CDH12: variants seen among roughly 807,000 people sequenced by gnomAD.
CDH12 encodes the protein cadherin-12.
CDH12 carries 41 observed loss-of-function variants against 74.1 expected under a neutral mutation model. The ratio of observed to expected loss-of-function variants is 0.55; its 90% CI spans 0.43 to 0.72. The LOEUF is 0.72. Ranked by LOEUF, CDH12 falls within the 30% of genes least tolerant of loss-of-function variation. The pLI, the probability that CDH12 is intolerant of heterozygous loss-of-function variation, is 0.00. For missense variants in CDH12, 945 were observed against 977.2 expected (o/e 0.97, Z 0.44); for synonymous variants, 399 against 355.0 (o/e 1.12, Z -1.39).
At chr5:22,685,087 C>A (rs1235543296) in intron 1 of CDH12, among the ~76,000 whole-genome samples, 4 of 152,166 alleles carry the variant, frequency 2.6e-5, no homozygotes, top group African/African-American at 4.8e-5. Flanking sequence ...GAGTTCATAG[C>A]CCATCAGTTT....
intron 6 of CDH12, among the ~76,000 whole-genome samples, chr5:21,930,805 T>C (rs1754801210): frequency 6.6e-6 from 1 of 152,212 alleles, no homozygotes; most frequent in South Asian, 2.1e-4. Flanking sequence ...CTTCGTATAA[T>C]AAGAACATAT....
chr5:22,312,662 C>A (rs556118162), intron 3 of CDH12, among the ~76,000 whole-genome samples: 1 of 152,228 alleles, frequency 6.6e-6, no homozygotes, highest in East Asian at 1.9e-4. Flanking sequence ...CTATTTGTTT[C>A]TTTGTAAATC....
intron 3 of CDH12, among the ~76,000 whole-genome samples, chr5:22,399,287 G>A (rs1742608395): frequency 6.6e-6 from 1 of 151,834 alleles, no homozygotes; most frequent in South Asian, 2.1e-4. Context: ...TTACACCTAA[G>A]AGATGTATAT....
intron 4 of CDH12, among the ~76,000 whole-genome samples, chr5:22,093,462 C>T (rs754040775): frequency 6.6e-6 from 1 of 152,054 alleles, no homozygotes; most frequent in Non-Finnish European, 1.5e-5. Flanking sequence ...GTCCTCATGC[C>T]TGCTACAATA....
chr5:22,803,864 T>C (rs1357412575), intron 1 of CDH12, among the ~76,000 whole-genome samples: 2 of 152,164 alleles, frequency 1.3e-5, no homozygotes, highest in South Asian at 2.1e-4. Context: ...GAAGTCTATA[T>C]AGTTTCTGTG....
At chr5:22,638,528 C>T (rs1281758419) in intron 1 of CDH12, among the ~76,000 whole-genome samples, 8 of 152,116 alleles carry the variant, frequency 5.3e-5, no homozygotes, top group Non-Finnish European at 8.8e-5. Flanking sequence ...ATGGTGCCCA[C>T]CCAGATTGAG....
intron 6 of CDH12, among the ~76,000 whole-genome samples, chr5:21,897,766 A>T (rs1753190521): frequency 6.6e-6 from 1 of 152,204 alleles, no homozygotes; most frequent in African/African-American, 2.4e-5. Flanking sequence ...TTGAAAATGA[A>T]TTTAAAAAAT....
At chr5:22,166,527 T>C (rs12514795) in intron 4 of CDH12, among the ~76,000 whole-genome samples, 55,167 of 152,010 alleles carry the variant, frequency 0.36, 11,266 homozygotes, top group Admixed American at 0.48. Flanking sequence ...GCTTCAAGTA[T>C]TTTGCTAAAA....
At chr5:22,764,324 G>T (rs1339111293) in intron 1 of CDH12, among the ~76,000 whole-genome samples, 2 of 151,792 alleles carry the variant, frequency 1.3e-5, no homozygotes, top group Non-Finnish European at 2.9e-5. Context: ...TTATTGAAAA[G>T]AAAAGCTTTT....
intron 3 of CDH12, among the ~76,000 whole-genome samples, chr5:22,286,351 A>T (rs1737133208): frequency 6.6e-6 from 1 of 152,212 alleles, no homozygotes; most frequent in Non-Finnish European, 1.5e-5. Flanking sequence ...TATATCATCT[A>T]GGACAAGTCA....
At chr5:22,714,165 T>C (rs1354672876) in intron 1 of CDH12, among the ~76,000 whole-genome samples, 1 of 152,248 alleles carries the variant, frequency 6.6e-6, no homozygotes, top group Non-Finnish European at 1.5e-5. Context: ...TTGCTTCTCC[T>C]CTTGATTGCC....
chr5:22,543,233 T>C (rs1738180653), intron 1 of CDH12, among the ~76,000 whole-genome samples: 1 of 152,026 alleles, frequency 6.6e-6, no homozygotes, highest in African/African-American at 2.4e-5. Flanking sequence ...AACTTGTAAA[T>C]CAAGAACAAC....
intron 2 of CDH12, among the ~76,000 whole-genome samples, chr5:22,445,784 C>T (rs1452342629): frequency 6.6e-6 from 1 of 152,086 alleles, no homozygotes; most frequent in East Asian, 1.9e-4. Flanking sequence ...TGAAGCTTGT[C>T]CTTTCTCTAA....
chr5:21,940,063 AAAAT>A (rs901954545), intron 6 of CDH12, among the ~76,000 whole-genome samples: 12 of 151,956 alleles, frequency 7.9e-5, no homozygotes, highest in African/African-American at 2.7e-4. Flanking sequence ...TCTACTTAAA[AAAAT>A]AAATAAATAA....
chr5:22,743,875 GT>G (rs958321800), intron 1 of CDH12, among the ~76,000 whole-genome samples: 8 of 146,778 alleles, frequency 5.5e-5, no homozygotes, highest in South Asian at 2.2e-4. Context: ...CTACCTAAAG[GT>G]TTTTTTTTTA....
At chr5:22,321,887 G>T (rs1436584956) in intron 3 of CDH12, among the ~76,000 whole-genome samples, 2 of 152,150 alleles carry the variant, frequency 1.3e-5, no homozygotes, top group African/African-American at 4.8e-5. Flanking sequence ...ATGATTAGGA[G>T]AGAGGTAATT....
chr5:22,780,653 A>G (rs1747342427), intron 1 of CDH12, among the ~76,000 whole-genome samples: 1 of 152,018 alleles, frequency 6.6e-6, no homozygotes, highest in Non-Finnish European at 1.5e-5. Flanking sequence ...CCCTCTCACG[A>G]TATGTGGGGA....
chr5:22,346,102 T>A (rs1429262722), intron 3 of CDH12, among the ~76,000 whole-genome samples: 1 of 109,244 alleles, frequency 9.2e-6, no homozygotes, highest in Non-Finnish European at 1.8e-5. Flanking sequence ...AAAGACTTCA[T>A]CTCAAAAAAA....
chr5:22,680,072 T>C (rs1286622130), intron 1 of CDH12, among the ~76,000 whole-genome samples: 2 of 152,028 alleles, frequency 1.3e-5, no homozygotes, highest in Non-Finnish European at 2.9e-5. Context: ...TGGAAGGATA[T>C]AAACAATACA....
Sources: allele counts gnomAD v4.1 joint callset (sites outside exome capture counted in the v4.1 genomes callset), GRCh38; gene constraint gnomAD v4.1.1; transcripts MANE v1.5; gene names NCBI Gene and HGNC (gene_info 2026-07-23, HGNC 2026-07-21).